Variants in LYST observed in about 807,000 individuals in gnomAD.
The protein encoded by LYST is lysosomal-trafficking regulator.
A neutral mutation model predicts 413.6 loss-of-function variants in LYST; 192 were observed. The ratio of observed to expected loss-of-function variants is 0.46; its 90% confidence interval spans 0.41 to 0.52. The LOEUF is 0.52. Among genes scored for constraint, LYST ranks in the 20% least tolerant of loss-of-function variants. The pLI, the probability that LYST is intolerant of heterozygous loss-of-function variation, is 0.00. For synonymous variants in LYST, 1,525 were observed against 1,567.3 expected, an observed-to-expected ratio of 0.97 and a Z score of 0.64; for missense variants, 3,815 against 4,499.9, an observed-to-expected ratio of 0.85 and a Z score of 4.35.
At chr1:235,677,048 A>G (rs1317866761) in intron 50 of LYST, 43 bp downstream of exon 50, 10 of 1,432,254 alleles carry the variant, frequency 7.0e-6, no homozygotes, top group Non-Finnish European at 9.9e-6. Flanking sequence ...ATGCGCTGTT[A>G]GAGCACCAGC....
At chr1:235,858,226 C>T (rs1450785499) in intron 1 of LYST, among the ~76,000 whole-genome samples, 3 of 152,200 alleles carry the variant, frequency 2.0e-5, no homozygotes, top group Middle Eastern at 3.2e-3. Context: ...GACTCAGGTA[C>T]TTCGTAGCTG....
intron 31 of LYST, chr1:235,738,228 A>G: frequency 6.2e-7 from 1 of 1,610,728 alleles, no homozygotes; most frequent in Non-Finnish European, 8.5e-7. Flanking sequence ...AACACCAAAG[A>G]TTGTCTCTGG....
rs1309386946 is a variant in LYST, at chr1:235,816,437, C to CA, written c.193-3377dup. ...CCTGGGTGACAGAGAAAGACTCCGT[C>CA]AAAAAAAAAAATAAATAAATAAAAA... On this transcript the variant is annotated intron_variant, in intron 3 of 52. Transcript: ENST00000389793. 9.0e-4 allele frequency among the ~76,000 whole-genome samples: 73 copies of CA among 81,166 alleles called. No individual in the cohort carries two copies. In the East Asian group the frequency reaches 0.017, roughly 19 times the overall value. The allele number at this position is 81,166 out of a possible 152,430, so 53.2% of individuals were successfully genotyped here.
intron 1 of LYST, among the ~76,000 whole-genome samples, chr1:235,857,770 CACACACACACACACAT>C (rs1418313073): frequency 7.2e-6 from 1 of 139,590 alleles, no homozygotes; most frequent in African/African-American, 2.8e-5. Flanking sequence ...CACACACACA[CACACACACACACACAT>C]ATATATATAA....
intron 1 of LYST, among the ~76,000 whole-genome samples, chr1:235,860,576 G>A (rs376238866): frequency 1.3e-5 from 2 of 152,060 alleles, no homozygotes; most frequent in African/African-American, 4.8e-5. Flanking sequence ...CCATACACTT[G>A]TAATCATAAA....
intron 3 of LYST, among the ~76,000 whole-genome samples, chr1:235,820,601 G>T (rs999851363): frequency 1.3e-5 from 2 of 151,990 alleles, no homozygotes; most frequent in African/African-American, 4.8e-5. Context: ...GAACTCCTGG[G>T]CTCAAGCAAT....
At chr1:235,785,544 G>A (rs1670327954) in intron 14 of LYST, among the ~76,000 whole-genome samples, 1 of 152,174 alleles carries the variant, frequency 6.6e-6, no homozygotes, top group Non-Finnish European at 1.5e-5. Context: ...AATCTACTTT[G>A]AGGGATTTTT....
Position 235,706,757 on chromosome 1 carries a change from C to T in LYST, c.10143+2334G>A, listed in dbSNP as rs147968213. ...TGAACTTTTCCATAGCATTTATCTT[C>T]TATTAGAATAATTAGGAAGCCTATC... On this transcript the variant is annotated intron_variant, in intron 44 of 52. Transcript: ENST00000389793. Among the ~76,000 whole-genome samples, 903 of 152,186 alleles carry T rather than the reference C, an allele frequency of 5.9e-3. 6 individuals are homozygous for T. The highest frequency in any genetic ancestry group is 0.02 in the African/African-American group (847 of 41,534).
chr1:235,835,083 A>G (rs1219664376), intron 1 of LYST, among the ~76,000 whole-genome samples: 1 of 133,996 alleles, frequency 7.5e-6, no homozygotes, highest in Non-Finnish European at 1.5e-5. Context: ...ATGCCTGGCT[A>G]ATTTTTGTAT....
In LYST at chr1:235,712,211, C is replaced by T; in HGVS notation, c.9785-14G>A. 4 of 1,549,774 alleles carry T rather than the reference C, an allele frequency of 2.6e-6. No homozygotes were observed. The South Asian group carries it at 3.5e-5, about 14-fold the overall frequency. On this transcript the variant is annotated splice_polypyrimidine_tract_variant and intron_variant, in intron 42 of 52. Transcript: ENST00000389793. Reference sequence around the variant, plus strand: ...CAAAACTTTGATCTATAAAAAAATACAAATAATACGATTAAGACACAAAGA... The same window carrying T: ...CAAAACTTTGATCTATAAAAAAATATAAATAATACGATTAAGACACAAAGA...
intron 50 of LYST, among the ~76,000 whole-genome samples, chr1:235,676,765 C>CA (rs1659415885): frequency 1.3e-5 from 2 of 151,456 alleles, no homozygotes; most frequent in African/African-American, 4.8e-5. Flanking sequence ...AAAGCAGAAG[C>CA]AAAAAAGGGG....
Position 235,813,063 on chromosome 1 carries a change from T to A in LYST, c.193-2A>T. 1 of 1,538,446 alleles carries A rather than the reference T, an allele frequency of 6.5e-7. No homozygotes were observed. Among genetic ancestry groups the A allele is most frequent in the Non-Finnish European group, 9.0e-7 (1 of 1,111,164 alleles). ...GAGTTCTTCTCTACATGTCAATGCC[T>A]ATGTCAGTAACAAAAGAATCCTTCA... On this transcript the variant is annotated splice_acceptor_variant, in intron 3 of 52. Transcript: ENST00000389793. LOFTEE classifies it high-confidence loss of function.
At chr1:235,696,780 G>T (rs775560428) in intron 46 of LYST, among the ~76,000 whole-genome samples, 1 of 152,212 alleles carries the variant, frequency 6.6e-6, no homozygotes, top group South Asian at 2.1e-4. Context: ...AAATACGTCT[G>T]TCTATTCTGG....
chr1:235,875,194 G>A (rs1681086143), intron 1 of LYST, among the ~76,000 whole-genome samples: 1 of 152,200 alleles, frequency 6.6e-6, no homozygotes, highest in South Asian at 2.1e-4. Context: ...CACAATTCAG[G>A]GAGGCTGAGA....
intron 1 of LYST, among the ~76,000 whole-genome samples, chr1:235,881,260 G>A (rs1681363188): frequency 1.3e-5 from 2 of 152,208 alleles, no homozygotes; most frequent in Admixed American, 6.5e-5. Context: ...AGGTTTGCAA[G>A]TTCTTCTGTG....
chr1:235,838,662 TACTC>T (rs1305848777), intron 1 of LYST, among the ~76,000 whole-genome samples: 1 of 152,244 alleles, frequency 6.6e-6, no homozygotes, highest in Non-Finnish European at 1.5e-5. Flanking sequence ...TCACTATAAT[TACTC>T]AAAGATTATT....
chr1:235,781,873 A>G (rs1163360394), intron 15 of LYST, 54 bp downstream of exon 15: 1 of 1,237,042 alleles, frequency 8.1e-7, no homozygotes, highest in Non-Finnish European at 1.2e-6. Context: ...AAGGAAAAAA[A>G]TCTCACTCTG....
chr1:235,871,535 CATT>C (rs1477458693), upstream of LYST, among the ~76,000 whole-genome samples: 3 of 152,172 alleles, frequency 2.0e-5, no homozygotes, highest in Non-Finnish European at 2.9e-5. Context: ...ATAATATACT[CATT>C]AATTCTTGCT....
At chr1:235,768,271 G>A (rs1189338633) in intron 20 of LYST, among the ~76,000 whole-genome samples, 2 of 151,890 alleles carry the variant, frequency 1.3e-5, no homozygotes, top group African/African-American at 4.8e-5. Context: ...GACTCCTCCT[G>A]AAGCTCCATT....
Sources: gnomAD v4.1 joint callset for allele counts (sites outside exome capture counted in the v4.1 genomes callset) on GRCh38, gnomAD v4.1.1 for gene constraint, MANE v1.5 for transcripts, NCBI Gene and HGNC (gene_info 2026-07-23, HGNC 2026-07-21) for gene names.